The following ATF6 variants were observed in gnomAD, a reference collection of about 807,000 sequenced individuals.
The protein encoded by ATF6 is cyclic AMP-dependent transcription factor ATF-6 alpha.
A neutral mutation model predicts 83.6 loss-of-function variants in ATF6; 53 were observed. The ratio of observed to expected loss-of-function variants is 0.63; its 90% CI spans 0.51 to 0.80. The LOEUF (loss-of-function observed/expected upper bound fraction) is 0.80. ATF6 is among the 30% of genes least tolerant of loss of function. The probability of loss-of-function intolerance (pLI) is 0.00; values close to 1 mark genes in which losing one functional copy is unlikely to be tolerated. For synonymous variants in ATF6, 288 were observed against 285.8 expected (o/e 1.01, Z -0.08); for missense variants, 744 against 797.9 (o/e 0.93, Z 0.81).
intron 15 of ATF6, among the ~76,000 whole-genome samples, chr1:161,915,091 T>C (rs1328956725): frequency 6.6e-6 from 1 of 151,864 alleles, no homozygotes; most frequent in Non-Finnish European, 1.5e-5. Flanking sequence ...CCCCACCCCC[T>C]CAGCTGATGA....
At chr1:161,810,039 C>CTT (rs1339476538) in intron 7 of ATF6, among the ~76,000 whole-genome samples, 3 of 152,096 alleles carry the variant, frequency 2.0e-5, no homozygotes, top group African/African-American at 7.2e-5. Flanking sequence ...TAGGTTTTAC[C>CTT]AAATGGTCCT....
chr1:161,908,764 A>T (rs1687927161), intron 14 of ATF6, among the ~76,000 whole-genome samples: 2 of 152,146 alleles, frequency 1.3e-5, no homozygotes, highest in Non-Finnish European at 2.9e-5. Flanking sequence ...TTATTCTACT[A>T]TCCTTTTTAT....
At chr1:161,905,901 C>T (rs749158863) in intron 14 of ATF6, among the ~76,000 whole-genome samples, 9 of 151,924 alleles carry the variant, frequency 5.9e-5, no homozygotes, top group Non-Finnish European at 8.8e-5. Flanking sequence ...GCAGCGATCT[C>T]GGCTCACTGC....
intron 15 of ATF6, among the ~76,000 whole-genome samples, chr1:161,948,591 A>T (rs902800593): frequency 3.9e-5 from 6 of 152,254 alleles, no homozygotes; most frequent in Non-Finnish European, 7.3e-5. Flanking sequence ...AAAAATTTTT[A>T]AAAAGTAAAA....
chr1:161,863,308 G>A lies in ATF6; in HGVS notation c.1715G>A (p.Arg572Gln), dbSNP rs772541349. 30 of 1,601,566 alleles carry A rather than the reference G, an allele frequency of 1.9e-5. No individual in the cohort carries two copies. Among genetic ancestry groups the A allele is most frequent in the Middle Eastern group, 1.7e-4 (1 of 6,056 alleles). Residue 572 changes from arginine to glutamine, a missense_variant, in exon 14 of 16, where the codon CGA becomes CAA. Arg to Gln is a conservative substitution (Grantham distance 43, BLOSUM62 1). Transcript: ENST00000367942. ...GACACATTTTATGTTGTGTCATTTC[G>A]AAGGGTAAGTTCATCTTGAAAGAAT... is the stretch of plus-strand genomic sequence containing the variant. Reference protein sequence around the residue: ...RGDTFYVVSFRRDHLLLPATT... With the variant: ...RGDTFYVVSFQRDHLLLPATT...
intron 6 of ATF6, among the ~76,000 whole-genome samples, chr1:161,799,823 A>C (rs1344840618): frequency 1.3e-5 from 2 of 152,242 alleles, no homozygotes; most frequent in East Asian, 3.8e-4. Flanking sequence ...TAGCCAAGAC[A>C]GATGTTCTTG....
chr1:161,938,083 G>C (rs993186764), intron 15 of ATF6, among the ~76,000 whole-genome samples: 2 of 151,984 alleles, frequency 1.3e-5, no homozygotes, highest in Non-Finnish European at 2.9e-5. Context: ...TTCCTCCTCT[G>C]CATGCACAGA....
At chr1:161,827,877 G>A (rs1225984972) in intron 9 of ATF6, among the ~76,000 whole-genome samples, 1 of 152,048 alleles carries the variant, frequency 6.6e-6, no homozygotes, top group African/African-American at 2.4e-5. Flanking sequence ...TAATTTTTCT[G>A]ACCTTATCGA....
intron 12 of ATF6, among the ~76,000 whole-genome samples, chr1:161,855,682 C>A (rs531790017): frequency 6.6e-6 from 1 of 152,126 alleles, no homozygotes; most frequent in Non-Finnish European, 1.5e-5. Flanking sequence ...AGAAGAGTAG[C>A]TGGCCAGTAA....
chr1:161,819,898 A>C, intron 8 of ATF6, 80 bp downstream of exon 8: 3 of 1,246,820 alleles, frequency 2.4e-6, no homozygotes, highest in Non-Finnish European at 3.2e-6. Flanking sequence ...TTTACATTTT[A>C]AATTAAATTA....
intron 9 of ATF6, among the ~76,000 whole-genome samples, chr1:161,831,768 G>T (rs1686066530): frequency 7.2e-6 from 1 of 138,780 alleles, no homozygotes; most frequent in African/African-American, 2.6e-5. Context: ...ATACAGGAGG[G>T]GGAACATCAC....
At chr1:161,947,881 A>G (rs1227112525) in intron 15 of ATF6, among the ~76,000 whole-genome samples, 2 of 120,198 alleles carry the variant, frequency 1.7e-5, no homozygotes, top group Non-Finnish European at 3.1e-5. Context: ...CTGGAGTGCA[A>G]TGGCATGATC....
At chr1:161,794,995 A>G (rs1684980643) in intron 6 of ATF6, among the ~76,000 whole-genome samples, 1 of 152,200 alleles carries the variant, frequency 6.6e-6, no homozygotes, top group Non-Finnish European at 1.5e-5. Context: ...TTTTGGGTAG[A>G]TGATGGCGAA....
chr1:161,924,904 T>C (rs1277103437), intron 15 of ATF6, among the ~76,000 whole-genome samples: 2 of 152,208 alleles, frequency 1.3e-5, no homozygotes, highest in East Asian at 3.8e-4. Context: ...CTTCGAGGGA[T>C]TGGATTCCTT....
At chr1:161,772,090 AG>A (rs1348453398) in intron 1 of ATF6, among the ~76,000 whole-genome samples, 15 of 152,308 alleles carry the variant, frequency 9.8e-5, no homozygotes, top group Admixed American at 2.6e-4. Flanking sequence ...ATAGTTGTTC[AG>A]TCCTTCTGAG....
At chr1:161,889,707 C>A (rs1384978069) in intron 14 of ATF6, among the ~76,000 whole-genome samples, 1 of 152,172 alleles carries the variant, frequency 6.6e-6, no homozygotes, top group East Asian at 1.9e-4. Flanking sequence ...ATTAAAGCAT[C>A]TTGAGAATCT....
At chr1:161,875,040 A>G (rs1464222272) in intron 14 of ATF6, among the ~76,000 whole-genome samples, 1 of 151,794 alleles carries the variant, frequency 6.6e-6, no homozygotes, top group Non-Finnish European at 1.5e-5. Context: ...ATGTTTTCAA[A>G]GAAACATTAA....
chr1:161,901,661 G>C (rs559991867), intron 14 of ATF6, among the ~76,000 whole-genome samples: 66 of 152,164 alleles, frequency 4.3e-4, no homozygotes, highest in African/African-American at 1.6e-3. Flanking sequence ...CCTCATGCAG[G>C]TAAGTAGTTG....
At chr1:161,807,844 T>G (rs888278056) in intron 7 of ATF6, among the ~76,000 whole-genome samples, 1 of 150,652 alleles carries the variant, frequency 6.6e-6, no homozygotes. Context: ...TCTGTACTTT[T>G]TGTACTTTTT....
Sources: gnomAD v4.1 joint callset for allele counts (sites outside exome capture counted in the v4.1 genomes callset) on GRCh38, gnomAD v4.1.1 for gene constraint, MANE v1.5 for transcripts, NCBI Gene and HGNC (gene_info 2026-07-23, HGNC 2026-07-21) for gene names.